The following PKN2 variants were observed in gnomAD, a reference collection of about 807,000 sequenced individuals.
PKN2 encodes the protein protein kinase N2, also known as serine/threonine-protein kinase N2.
In PKN2, 38 loss-of-function variants were observed where a neutral mutation model predicts 119.1. The observed-to-expected ratio is 0.32, with a 90% CI of 0.25 to 0.42. The LOEUF is 0.42. Among genes scored for constraint, PKN2 ranks in the 10% least tolerant of loss-of-function variants. The pLI is 1.00. For synonymous variants in PKN2, 390 were observed against 384.9 expected (o/e 1.01, Z -0.15); for missense variants, 850 against 1,165.1 (o/e 0.73, Z 3.94).
chr1:88,786,269 T>C (rs1440908758), intron 8 of PKN2, 56 bp downstream of exon 8: 1 of 890,710 alleles, frequency 1.1e-6, no homozygotes, highest in Non-Finnish European at 1.8e-6. Context: ...TAAATGTGAG[T>C]TATATTTTTT....
chr1:88,702,447 A>G (rs1666812383), intron 1 of PKN2, among the ~76,000 whole-genome samples: 1 of 152,156 alleles, frequency 6.6e-6, no homozygotes, highest in Non-Finnish European at 1.5e-5. Flanking sequence ...TCATACTTTG[A>G]CAGGCAAATT....
chr1:88,758,684 A>G (rs1669316114), intron 2 of PKN2, among the ~76,000 whole-genome samples: 1 of 151,760 alleles, frequency 6.6e-6, no homozygotes, highest in South Asian at 2.1e-4. Context: ...CTCCAGCTCC[A>G]TCCATGTTCC....
chr1:88,725,406 A>G (rs541749575), intron 1 of PKN2, among the ~76,000 whole-genome samples: 67 of 152,176 alleles, frequency 4.4e-4, no homozygotes, highest in Non-Finnish European at 8.5e-4. Flanking sequence ...TATTTTCACA[A>G]GAATCTTTGT....
rs151220008 is a variant in PKN2 at position 88,721,873 on chromosome 1, A to AGT, written c.49-19100_49-19099dup. Among the ~76,000 whole-genome samples the AGT allele has an allele frequency of 5.9e-4, 89 of 151,548 alleles. 1 individual carries two copies. The highest frequency in any genetic ancestry group is 9.2e-4 in the African/African-American group (38 of 41,386). On this transcript the variant is annotated intron_variant, in intron 1 of 21. Coordinates refer to ENST00000370521, the MANE Select transcript of PKN2 (RefSeq NM_006256.4). ...ATGAAACCTCCTACCACTCTATGTG[A>AGT]GTGTGTGTGTGTGTGTTGCACACAT...
intron 1 of PKN2, among the ~76,000 whole-genome samples, chr1:88,702,019 C>T (rs969253108): frequency 2.4e-4 from 37 of 152,180 alleles, no homozygotes; most frequent in Middle Eastern, 3.4e-3. Flanking sequence ...AATGCAGTGG[C>T]GCAATCCGGG....
chr1:88,803,636 G>A (rs1210585117), intron 8 of PKN2, among the ~76,000 whole-genome samples: 2 of 152,070 alleles, frequency 1.3e-5, no homozygotes, highest in African/African-American at 2.4e-5. Flanking sequence ...AATATATTTC[G>A]CCACATAAGC....
At chr1:88,820,272 T>C (rs11809556) in intron 16 of PKN2, among the ~76,000 whole-genome samples, 14,059 of 136,880 alleles carry the variant, frequency 0.1, 1,694 homozygotes, top group African/African-American at 0.29. Flanking sequence ...CCATGGCTCA[T>C]GCCTGTAATC....
intron 1 of PKN2, among the ~76,000 whole-genome samples, chr1:88,694,702 C>T (rs1036017904): frequency 6.6e-6 from 1 of 152,046 alleles, no homozygotes; most frequent in African/African-American, 2.4e-5. Flanking sequence ...CCAGAGTGCC[C>T]GAACTATTTT....
In PKN2 at chr1:88,733,856, G is replaced by A. The variant is rs532197551; in HGVS notation, c.49-7132G>A. On this transcript the variant is annotated intron_variant, in intron 1 of 21. Transcript: ENST00000370521. The stretch of plus-strand genomic sequence containing the variant: ...AAACGTTCCAATAAGCATTTAGTTC[G>A]AGTATCATGTTGGCAATCAAAAGGT... Among the ~76,000 whole-genome samples, 22 of 152,268 alleles carry A rather than the reference G, an allele frequency of 1.4e-4. 1 individual carries two copies. In the South Asian group the frequency reaches 4.1e-3, roughly 29 times the overall value.
intron 1 of PKN2, among the ~76,000 whole-genome samples, chr1:88,704,778 C>CA (rs35670791): frequency 0.39 from 29,662 of 75,574 alleles, 4,970 homozygotes; most frequent in Non-Finnish European, 0.48. Context: ...GACCCTGTCT[C>CA]AAAAAAAAAA....
intron 20 of PKN2, 63 bp from the exon 21 acceptor site, chr1:88,833,014 T>C (rs1672793082): frequency 7.0e-7 from 1 of 1,434,382 alleles, no homozygotes; most frequent in Admixed American, 2.1e-5. Context: ...AAAGTAATAA[T>C]CCTTATCAGT....
intron 1 of PKN2, among the ~76,000 whole-genome samples, chr1:88,706,381 G>A (rs1444732524): frequency 6.6e-6 from 1 of 152,038 alleles, no homozygotes; most frequent in East Asian, 1.9e-4. Context: ...TAGCTTTTTT[G>A]TAGTTTCTAT....
intron 14 of PKN2, 35 bp downstream of exon 14, chr1:88,807,639 C>T (rs374038113): frequency 2.8e-5 from 44 of 1,569,048 alleles, no homozygotes; most frequent in Non-Finnish European, 3.7e-5. Context: ...ATATCTACAA[C>T]ATTAATAACT....
At chr1:88,764,043 C>A (rs1042924782) in intron 3 of PKN2, among the ~76,000 whole-genome samples, 1 of 152,142 alleles carries the variant, frequency 6.6e-6, no homozygotes, top group South Asian at 2.1e-4. Context: ...GATATTTTCA[C>A]CCTCCTGCTT....
chr1:88,688,268 G>C (rs1010272260), intron 1 of PKN2, among the ~76,000 whole-genome samples: 1 of 152,024 alleles, frequency 6.6e-6, no homozygotes, highest in Non-Finnish European at 1.5e-5. Flanking sequence ...TGTATTTTTA[G>C]TAGAGACGGG....
intron 1 of PKN2, among the ~76,000 whole-genome samples, chr1:88,707,371 A>G (rs1361469866): frequency 3.3e-5 from 5 of 152,050 alleles, no homozygotes; most frequent in Non-Finnish European, 7.4e-5. Context: ...TATTTATTCA[A>G]GGAGATGCAT....
At chr1:88,766,131 G>A (rs998060593) in intron 3 of PKN2, among the ~76,000 whole-genome samples, 3 of 152,036 alleles carry the variant, frequency 2.0e-5, no homozygotes, top group African/African-American at 7.2e-5. Flanking sequence ...CATTTCTTTG[G>A]AATTTTCTTC....
At chr1:88,704,729 G>A (rs6665328) in intron 1 of PKN2, among the ~76,000 whole-genome samples, 12,602 of 148,622 alleles carry the variant, frequency 0.085, 1,221 homozygotes, top group African/African-American at 0.24. Context: ...TGTAGTGAGA[G>A]GTGATTGCCC....
At chr1:88,776,472 G>T (rs1670110048) in intron 6 of PKN2, among the ~76,000 whole-genome samples, 1 of 151,668 alleles carries the variant, frequency 6.6e-6, no homozygotes, top group Non-Finnish European at 1.5e-5. Context: ...AGGCACAGTG[G>T]CTCACACCTA....
Sources: allele counts gnomAD v4.1 joint callset (sites outside exome capture counted in the v4.1 genomes callset), GRCh38; gene constraint gnomAD v4.1.1; transcripts MANE v1.5; gene names NCBI Gene and HGNC (gene_info 2026-07-23, HGNC 2026-07-21).